Variants in GSG1L observed in about 807,000 individuals in gnomAD.
GSG1L encodes the protein GSG1 like, also known as germ cell-specific gene 1-like protein.
A neutral mutation model predicts 42.1 loss-of-function variants in GSG1L; 24 were observed. That is an observed-to-expected ratio of 0.57 (90% CI 0.41 to 0.80). GSG1L has a LOEUF of 0.80. Ranked by LOEUF, GSG1L falls within the 30% of genes least tolerant of loss-of-function variation. The pLI, the probability that GSG1L is intolerant of heterozygous loss-of-function variation, is 0.00. For missense variants in GSG1L, 445 were observed against 472.2 expected, an observed-to-expected ratio of 0.94 and a Z score of 0.53; for synonymous variants, 215 against 203.5, an observed-to-expected ratio of 1.06 and a Z score of -0.48.
chr16:27,870,751 A>T (rs2083810056), intron 3 of GSG1L, among the ~76,000 whole-genome samples: 1 of 151,508 alleles, frequency 6.6e-6, no homozygotes, highest in African/African-American at 2.5e-5. Flanking sequence ...GCAGCCTGGC[A>T]TCTGCATCCT....
At chr16:28,056,323 G>A (rs2086279109) in intron 1 of GSG1L, among the ~76,000 whole-genome samples, 1 of 152,052 alleles carries the variant, frequency 6.6e-6, no homozygotes, top group Non-Finnish European at 1.5e-5. Flanking sequence ...CTTTTGTAGG[G>A]ACATGGATGA....
chr16:28,057,914 C>G (rs533879083), intron 1 of GSG1L, among the ~76,000 whole-genome samples: 12 of 152,354 alleles, frequency 7.9e-5, no homozygotes, highest in African/African-American at 2.9e-4. Context: ...GGACAGGGCT[C>G]TGTCACCTCC....
intron 1 of GSG1L, among the ~76,000 whole-genome samples, chr16:27,986,156 G>T (rs1368439524): frequency 6.6e-6 from 1 of 152,180 alleles, no homozygotes; most frequent in Non-Finnish European, 1.5e-5. Flanking sequence ...TTTACAACGA[G>T]AGTTATTGCC....
At chr16:28,054,447 G>T (rs2086257451) in intron 1 of GSG1L, among the ~76,000 whole-genome samples, 1 of 152,036 alleles carries the variant, frequency 6.6e-6, no homozygotes. Flanking sequence ...TGGCCAACAT[G>T]GTGAAACTCC....
intron 3 of GSG1L, among the ~76,000 whole-genome samples, chr16:27,845,278 G>A (rs1278718558): frequency 6.6e-6 from 1 of 152,188 alleles, no homozygotes; most frequent in Non-Finnish European, 1.5e-5. Flanking sequence ...ACAGGGTCTT[G>A]CTCTGTTGCC....
chr16:27,819,239 ACT>A (rs1031504857), intron 5 of GSG1L, among the ~76,000 whole-genome samples: 15 of 133,906 alleles, frequency 1.1e-4, no homozygotes, highest in African/African-American at 4.2e-4. Flanking sequence ...ACAGAACAAG[ACT>A]CTGTCTTAAA....
intron 5 of GSG1L, among the ~76,000 whole-genome samples, chr16:27,819,968 G>A (rs914474121): frequency 1.3e-5 from 2 of 152,160 alleles, no homozygotes. Flanking sequence ...CAGAGAAAAA[G>A]GAAGGAGACA....
intron 3 of GSG1L, among the ~76,000 whole-genome samples, chr16:27,847,775 G>A (rs772967): frequency 2.0e-5 from 3 of 152,048 alleles, no homozygotes; most frequent in Non-Finnish European, 4.4e-5. Flanking sequence ...AGCACCTCCC[G>A]CTTCACTCTC....
rs544200414 is a variant in GSG1L, at chr16:27,892,443, C to T, written c.398-7805G>A. On this transcript the variant is annotated intron_variant, in intron 2 of 6. Transcript: ENST00000447459. ...TGCACTCTAGCCTGGACAACAGAAG[C>T]GAGACCCTGTCTCAAAAATAAAAAA... Among the ~76,000 whole-genome samples the T allele has an allele frequency of 5.5e-4, 83 of 151,890 alleles. 1 individual carries two copies. The South Asian group carries it at 0.014, about 26-fold the overall frequency.
At chr16:27,830,068 G>A (rs1247476382) in intron 4 of GSG1L, among the ~76,000 whole-genome samples, 1 of 152,192 alleles carries the variant, frequency 6.6e-6, no homozygotes, top group Non-Finnish European at 1.5e-5. Context: ...GGTAGGAAGG[G>A]TGGGGTAGAG....
At position 27,911,266 on chromosome 16, in the gene GSG1L, G is replaced by GCTCTCT. The variant is rs71648556; in HGVS notation, c.398-26634_398-26629dup. ...TCTCTAGCCTCATCACCTCTCTCTC[G>GCTCTCT]CTCTCTCTCTCTCTCTCTCTCTCTC... On this transcript the variant is annotated intron_variant, in intron 2 of 6. Transcript: ENST00000447459. 3.3e-3 allele frequency among the ~76,000 whole-genome samples: 398 copies of GCTCTCT among 122,132 alleles called. 2 individuals are homozygous for GCTCTCT. The highest frequency in any genetic ancestry group is 4.7e-3 in the Admixed American group (63 of 13,332). 80.1% of individuals were successfully genotyped at this position (122,132 alleles called of 152,430 possible).
intron 2 of GSG1L, among the ~76,000 whole-genome samples, chr16:27,943,566 C>CTTTTTTTTTTTTT (rs11385465): frequency 2.4e-4 from 16 of 67,724 alleles, no homozygotes; most frequent in Non-Finnish European, 2.8e-4. Context: ...TTCTTTGTTT[C>CTTTTTTTTTTTTT]TTTTTTTTTT....
chr16:27,960,465 G>T (rs2085057253), intron 2 of GSG1L, among the ~76,000 whole-genome samples: 1 of 152,216 alleles, frequency 6.6e-6, no homozygotes, highest in African/African-American at 2.4e-5. Context: ...TGCCAGGAGG[G>T]ATGTCCCAGA....
chr16:28,060,920 T>C (rs2086332687), intron 1 of GSG1L, among the ~76,000 whole-genome samples: 2 of 152,182 alleles, frequency 1.3e-5, no homozygotes, highest in Admixed American at 1.3e-4. Context: ...CTGAAAGAAC[T>C]ACAGGGAAAT....
rs1271446807 is a variant in GSG1L at position 27,979,686 on chromosome 16, AGAAGGAAG to A, written c.350-16491_350-16484del. On this transcript the variant is annotated intron_variant, in intron 1 of 6. Transcript: ENST00000447459. ...AAGAGAGAGAGAGAGAGAGAAAGAA[AGAAGGAAG>A]GAAGGAAGGAAGGAAGGAAGGAAGG... 2.8e-3 allele frequency among the ~76,000 whole-genome samples: 111 copies of A among 40,082 alleles called. 2 individuals are homozygous for A. Among genetic ancestry groups the A allele is most frequent in the Non-Finnish European group, 4.1e-3 (87 of 21,288 alleles). 26.3% of individuals were successfully genotyped at this position (40,082 alleles called of 152,430 possible). A position where few individuals can be genotyped will look rare whatever the true frequency, so the allele number is the denominator to read the frequency against.
chr16:27,966,718 T>A (rs148959133), intron 1 of GSG1L, among the ~76,000 whole-genome samples: 31 of 152,250 alleles, frequency 2.0e-4, no homozygotes, highest in African/African-American at 7.5e-4. Flanking sequence ...CTTCTAGACC[T>A]TTCTAACAAA....
intron 1 of GSG1L, among the ~76,000 whole-genome samples, chr16:28,022,644 G>T (rs2085857357): frequency 1.3e-5 from 2 of 151,734 alleles, no homozygotes; most frequent in Non-Finnish European, 2.9e-5. Flanking sequence ...GCTAATTTTT[G>T]TATTTTTCTT....
At chr16:27,969,495 G>A (rs549364113) in intron 1 of GSG1L, among the ~76,000 whole-genome samples, 37 of 152,282 alleles carry the variant, frequency 2.4e-4, no homozygotes, top group African/African-American at 8.7e-4. Context: ...ATAATGTTTT[G>A]TGACTACCTT....
intron 2 of GSG1L, among the ~76,000 whole-genome samples, chr16:27,908,662 T>C (rs2084347726): frequency 6.6e-6 from 1 of 152,178 alleles, no homozygotes; most frequent in African/African-American, 2.4e-5. Context: ...AGAGAGCTAA[T>C]ACACTCCTGC....
Sources: gnomAD v4.1 joint callset for allele counts (sites outside exome capture counted in the v4.1 genomes callset) on GRCh38, gnomAD v4.1.1 for gene constraint, MANE v1.5 for transcripts, NCBI Gene and HGNC (gene_info 2026-07-23, HGNC 2026-07-21) for gene names.